Variants in GALNT10 observed in about 807,000 individuals in gnomAD.
The protein encoded by GALNT10 is polypeptide N-acetylgalactosaminyltransferase 10, also known as GalNAc transferase 10.
A neutral mutation model predicts 75.0 loss-of-function variants in GALNT10; 41 were observed. The observed-to-expected ratio is 0.55, with a 90% confidence interval of 0.43 to 0.71. GALNT10 has a LOEUF of 0.71. Among genes scored for constraint, GALNT10 ranks in the 30% least tolerant of loss-of-function variants. GALNT10 has a pLI of 0.00. For missense variants in GALNT10, 727 were observed against 818.5 expected (o/e 0.89, Z 1.36); for synonymous variants, 302 against 313.0 (o/e 0.96, Z 0.37).
intron 1 of GALNT10, among the ~76,000 whole-genome samples, chr5:154,284,384 A>G (rs1754084012): frequency 1.3e-5 from 2 of 152,234 alleles, no homozygotes; most frequent in African/African-American, 4.8e-5. Flanking sequence ...TATAATTATT[A>G]CTATTATTAG....
chr5:154,373,329 C>T (rs1755603227), intron 4 of GALNT10, among the ~76,000 whole-genome samples: 1 of 152,202 alleles, frequency 6.6e-6, no homozygotes, highest in Non-Finnish European at 1.5e-5. Flanking sequence ...ACTTCTCTGG[C>T]TCTCCCTGCT....
rs1210911416 is a variant in GALNT10, at chr5:154,420,128, CTA to C, written c.*3158_*3159del. 3.9e-5 allele frequency: 6 copies of C among 152,226 alleles called. No homozygotes were observed. Among genetic ancestry groups the C allele is most frequent in the Admixed American group, 3.9e-4 (6 of 15,286 alleles). The allele number at this position is 152,226 out of a possible 1,614,324, so 9.4% of individuals were successfully genotyped here. On this transcript the variant is annotated 3_prime_UTR_variant, in exon 12 of 12. Coordinates refer to ENST00000297107, the MANE Select transcript of GALNT10 (RefSeq NM_198321.4). ...TTTCAGCTGTTAAAACAGTCAGAAACTATTGATTCTTCCCTTTAGGAAAAAAT... is the reference window on the plus strand; with the variant it reads ...TTTCAGCTGTTAAAACAGTCAGAAACTTGATTCTTCCCTTTAGGAAAAAAT...
At position 154,352,302 on chromosome 5, in the gene GALNT10, G is replaced by A. The variant is rs191523531; in HGVS notation, c.568+22564G>A. ...CAAACTCAACACGGCCCACTGGTGG[G>A]AATAACTGAGTGCTGACAGCCCCTC... is the stretch of plus-strand genomic sequence containing the variant. On this transcript the variant is annotated intron_variant, in intron 4 of 11. Transcript: ENST00000297107. This position sits in a 1 kb window ranked among gnomAD's most constrained non-coding sequence, Gnocchi z 4.4. Among the ~76,000 whole-genome samples the A allele has an allele frequency of 4.6e-5, 7 of 152,318 alleles. No homozygotes were observed. Among genetic ancestry groups the A allele is most frequent in the Admixed American group, 6.5e-5 (1 of 15,298 alleles).
chr5:154,246,011 A>G (rs1193470897), intron 1 of GALNT10, among the ~76,000 whole-genome samples: 1 of 134,748 alleles, frequency 7.4e-6, no homozygotes, highest in African/African-American at 2.9e-5. Flanking sequence ...TCCTGTGTCC[A>G]TGTGTTCTCA....
chr5:154,284,882 C>T (rs1239603206), intron 1 of GALNT10, among the ~76,000 whole-genome samples: 1 of 152,158 alleles, frequency 6.6e-6, no homozygotes, highest in Non-Finnish European at 1.5e-5. Context: ...TCTCTCCAAG[C>T]CTCAGTTTTG....
At chr5:154,374,851 G>A (rs1755630539) in intron 4 of GALNT10, among the ~76,000 whole-genome samples, 1 of 152,196 alleles carries the variant, frequency 6.6e-6, no homozygotes, top group African/African-American at 2.4e-5. Context: ...GTTGTGGAGA[G>A]GCAGGAGTAT....
Position 154,419,841 on chromosome 5 carries a change from G to T in GALNT10, c.*2869G>T, listed in dbSNP as rs1286121121. 6.6e-6 allele frequency: 1 copy of T among 152,224 alleles called. No homozygotes were observed. Among genetic ancestry groups the T allele is most frequent in the East Asian group, 1.9e-4 (1 of 5,196 alleles). 9.4% of individuals were successfully genotyped at this position (152,224 alleles called of 1,614,324 possible). A position where few individuals can be genotyped will look rare whatever the true frequency, so the allele number is the denominator to read the frequency against. The stretch of plus-strand genomic sequence containing the variant: ...TAAAACTCAGCCAGGAGCATATGGA[G>T]ATGCTGACAGCCAGGTAATGGGTGA... On this transcript the variant is annotated 3_prime_UTR_variant, in exon 12 of 12. Coordinates refer to ENST00000297107, the MANE Select transcript of GALNT10 (RefSeq NM_198321.4).
At chr5:154,286,970 C>T (rs1754120487) in intron 1 of GALNT10, among the ~76,000 whole-genome samples, 1 of 152,178 alleles carries the variant, frequency 6.6e-6, no homozygotes, top group South Asian at 2.1e-4. Flanking sequence ...AAAACAGCAG[C>T]CTACTGAATA....
chr5:154,238,855 A>G (rs1477705693), intron 1 of GALNT10, among the ~76,000 whole-genome samples: 1 of 152,182 alleles, frequency 6.6e-6, no homozygotes, highest in Non-Finnish European at 1.5e-5. Flanking sequence ...TAATATGACT[A>G]CCATTTATTG....
chr5:154,285,626 C>T (rs1754099958), intron 1 of GALNT10, among the ~76,000 whole-genome samples: 1 of 152,196 alleles, frequency 6.6e-6, no homozygotes, highest in Non-Finnish European at 1.5e-5. Flanking sequence ...GTGCCCACCC[C>T]TACTTCTGCC....
intron 7 of GALNT10, chr5:154,393,065 A>AAAAAAC (rs1554101642): frequency 1.6e-5 from 2 of 124,466 alleles, no homozygotes; most frequent in African/African-American, 3.0e-5. Context: ...CACAAAAAAA[A>AAAAAAC]AAAAAAAAAA....
rs535160145 is a variant in GALNT10, at chr5:154,380,720, A to G, written c.938+89A>G. 2.6e-5 allele frequency: 22 copies of G among 860,816 alleles called. No individual in the cohort carries two copies. In the Admixed American group the frequency reaches 4.3e-4, roughly 17 times the overall value. The allele number at this position is 860,816 out of a possible 1,614,324, so 53.3% of individuals were successfully genotyped here. On this transcript the variant is annotated intron_variant, in intron 6 of 11. Coordinates refer to ENST00000297107, the MANE Select transcript of GALNT10 (RefSeq NM_198321.4). ...AACTCAGGATCGCCATCTCCCTTAA[A>G]AGCCCAATGCAGAGGGTCCAGCTTC...
chr5:154,397,845 C>T (rs1756080141), intron 7 of GALNT10, among the ~76,000 whole-genome samples: 1 of 152,210 alleles, frequency 6.6e-6, no homozygotes, highest in African/African-American at 2.4e-5. Context: ...TCTGCCCCAG[C>T]CCCTGCCCTC....
chr5:154,253,706 CTTTTTTTTTT>C (rs33933907), intron 1 of GALNT10, among the ~76,000 whole-genome samples: 1 of 72,670 alleles, frequency 1.4e-5, no homozygotes, highest in Non-Finnish European at 2.5e-5. Flanking sequence ...AAAGCCTCCT[CTTTTTTTTTT>C]TTTTTTTTTT....
chr5:154,301,817 C>G (rs62379869), intron 3 of GALNT10, among the ~76,000 whole-genome samples: 9,325 of 152,220 alleles, frequency 0.061, 363 homozygotes, highest in Middle Eastern at 0.1. Flanking sequence ...GGCAGATGGA[C>G]CTCTGGCATC....
chr5:154,302,125 C>A (rs942585988), intron 3 of GALNT10, among the ~76,000 whole-genome samples: 4 of 152,180 alleles, frequency 2.6e-5, no homozygotes, highest in African/African-American at 7.2e-5. Context: ...GCAGTCGAGC[C>A]GCTCACTCCA....
At chr5:154,361,538 G>C (rs1205338400) in intron 4 of GALNT10, among the ~76,000 whole-genome samples, 1 of 152,138 alleles carries the variant, frequency 6.6e-6, no homozygotes, top group Non-Finnish European at 1.5e-5. Flanking sequence ...TTGGTTACTT[G>C]GTTTCTGATC....
intron 4 of GALNT10, among the ~76,000 whole-genome samples, chr5:154,372,185 C>A (rs1366072893): frequency 6.6e-6 from 1 of 152,262 alleles, no homozygotes; most frequent in African/African-American, 2.4e-5. Flanking sequence ...GTTACTTAAC[C>A]TCTCTGTGCC....
At chr5:154,361,037 A>C (rs888506625) in intron 4 of GALNT10, among the ~76,000 whole-genome samples, 3 of 152,038 alleles carry the variant, frequency 2.0e-5, no homozygotes, top group African/African-American at 7.3e-5. Context: ...ATTAGAGAGA[A>C]TATATGGGAC....
Sources: gnomAD v4.1 joint callset for allele counts (sites outside exome capture counted in the v4.1 genomes callset) on GRCh38, gnomAD v4.1.1 for gene constraint, Gnocchi (gnomAD v3.1) non-coding constraint, MANE v1.5 for transcripts, NCBI Gene and HGNC (gene_info 2026-07-23, HGNC 2026-07-21) for gene names.